Variants in TBCCD1 observed in about 807,000 individuals in gnomAD.
The protein encoded by TBCCD1 is TBCC domain-containing protein 1.
Under a neutral mutation model 53.4 loss-of-function variants are expected in TBCCD1, and 26 were observed. The observed-to-expected ratio is 0.49, with a 90% CI of 0.36 to 0.68. The LOEUF is 0.68. Ranked by LOEUF, TBCCD1 falls within the 30% of genes least tolerant of loss-of-function variation. TBCCD1 has a pLI of 0.00. For missense variants in TBCCD1, 558 were observed against 669.5 expected, an observed-to-expected ratio of 0.83 and a Z score of 1.84; for synonymous variants, 245 against 241.7, an observed-to-expected ratio of 1.01 and a Z score of -0.13.
chr3:186,556,774 T>C lies in TBCCD1; in HGVS notation c.494A>G (p.Asn165Ser). 6.2e-7 allele frequency: 1 copy of C among 1,605,968 alleles called. No homozygotes were observed. Among genetic ancestry groups the C allele is most frequent in the South Asian group, 1.1e-5 (1 of 88,540 alleles). The change falls in exon 4 of 8, where the codon AAC becomes AGC. Residue 165 changes from asparagine (N) to serine (S), a missense_variant and splice_region_variant. Coordinates refer to ENST00000338733, the MANE Select transcript of TBCCD1 (RefSeq NM_018138.5). ...AGCTTGGTGACTGTAATCATTCCAG[T>C]TCTAAAAAAAAGTTAAAAGAAAGCA... ...LTEKSNCHNK[N>S]WNDYSHQAFV...
rs769300662 is a variant in TBCCD1 at position 186,554,919 on chromosome 3, A to G, written c.1025T>C (p.Ile342Thr). Residue 342 changes from isoleucine (I) to threonine (T), a missense_variant, in exon 5 of 8, where the codon ATA becomes ACA. Ile to Thr is a moderately conservative substitution (Grantham distance 89). Transcript: ENST00000338733. ...VKIHRCNESF[I>T]YLLSPLRSVT... The stretch of plus-strand genomic sequence containing the variant: ...TTACCGTAAGGGAGAGAGCAGATAT[A>G]TAAAAGATTCGTTGCAACGATGAAT... 2.5e-6 allele frequency: 4 copies of G among 1,613,832 alleles called. No individual in the cohort carries two copies. Among genetic ancestry groups the G allele is most frequent in the Non-Finnish European group, 3.4e-6 (4 of 1,180,024 alleles).
rs1438696263 is a variant in TBCCD1, at chr3:186,554,455, A to T, written c.1343T>A (p.Val448Glu). The change falls in exon 6 of 8, where the codon GTG becomes GAG. Residue 448 changes from valine to glutamate, a missense_variant. Transcript: ENST00000338733. ...TCTTGTGTCGCTGTTCTCTCTGCAC[A>T]CAACCATTGGATTATCCCAATAGTT... ...VPNYWDNPMV[V>E]CRENSDTRVF... 2 of 1,614,234 alleles carry T rather than the reference A, an allele frequency of 1.2e-6. No individual in the cohort carries two copies. The highest frequency in any genetic ancestry group is 3.3e-4 in the Middle Eastern group (2 of 6,062).
chr3:186,550,264 T>C (rs1034915074), intron 7 of TBCCD1, among the ~76,000 whole-genome samples: 2 of 148,078 alleles, frequency 1.4e-5, no homozygotes, highest in Non-Finnish European at 3.0e-5. Flanking sequence ...ACTAACACAG[T>C]ATACTAATCT....
intron 7 of TBCCD1, among the ~76,000 whole-genome samples, chr3:186,547,256 ATTTTTTT>A (rs201432633): frequency 6.9e-6 from 1 of 143,982 alleles, no homozygotes; most frequent in Admixed American, 7.0e-5. Flanking sequence ...CAGATTTGTA[ATTTTTTT>A]TTTTTTTTTT....
rs1358004500 is a variant in TBCCD1, at chr3:186,546,191, T to C, written c.*786A>G. On this transcript the variant is annotated 3_prime_UTR_variant, in exon 8 of 8. Transcript: ENST00000338733. Reference sequence around the variant, plus strand: ...TAGTATAAAACTATTTCTATGTCTATATACCAACAAATCATACTTCCTTTC... The same window carrying C: ...TAGTATAAAACTATTTCTATGTCTACATACCAACAAATCATACTTCCTTTC... The C allele has an allele frequency of 1.3e-5, 2 of 152,216 alleles. No homozygotes were observed. The highest frequency in any genetic ancestry group is 1.9e-4 in the East Asian group (1 of 5,204). The allele number at this position is 152,216 out of a possible 1,614,324, so 9.4% of individuals were successfully genotyped here.
chr3:186,554,183 T>C (rs573387113), intron 6 of TBCCD1, 71 bp downstream of exon 6: 2 of 1,583,144 alleles, frequency 1.3e-6, no homozygotes, highest in African/African-American at 1.4e-5. Context: ...GCTGTAAAAA[T>C]GTGCAGACTA....
intron 3 of TBCCD1, among the ~76,000 whole-genome samples, chr3:186,557,566 A>G (rs1319751823): frequency 6.6e-6 from 1 of 152,242 alleles, no homozygotes; most frequent in Non-Finnish European, 1.5e-5. Context: ...GTTGGGAGTC[A>G]CTGAGATATA....
Position 186,551,224 on chromosome 3 carries a change from T to C in TBCCD1, c.1600A>G (p.Ile534Val), listed in dbSNP as rs368934718. Residue 534 changes from isoleucine to valine, a missense_variant, in exon 7 of 8, where the codon ATT becomes GTT. By Grantham distance (29) the Ile-to-Val change is conservative. Transcript: ENST00000338733. ...AGCTGTTGGCGATGTCCTGTATTAA[T>C]CAACCATTCATAAAACTTGTTCTCT... is the stretch of plus-strand genomic sequence containing the variant. ...LVENKFYEWL[I>V]NTGHRQQLDS... is the part of the protein sequence containing the mutation. The C allele has an allele frequency of 3.1e-6, 5 of 1,613,502 alleles. No individual in the cohort carries two copies. The South Asian group carries it at 3.3e-5, about 11-fold the overall frequency.
intron 7 of TBCCD1, among the ~76,000 whole-genome samples, chr3:186,550,239 A>C (rs1362552654): frequency 1.4e-5 from 2 of 145,384 alleles, no homozygotes; most frequent in Non-Finnish European, 2.9e-5. Flanking sequence ...AAAAAAAAAA[A>C]AAAAAAAACT....
Position 186,554,641 on chromosome 3 carries a change from C to T in TBCCD1, c.1157G>A (p.Arg386His), listed in dbSNP as rs1265176630. ...DNVKVIAVCHRLSISSTTGCI... is the reference protein window; with the variant it reads ...DNVKVIAVCHHLSISSTTGCI... ...ACCTGTTGTAGAAGAGATGGACAAA[C>T]GATGGCAAACAGCAATGACTTTAAC... Residue 386 changes from arginine to histidine, a missense_variant, in exon 6 of 8, where the codon CGT (arginine) becomes CAT (histidine). Physicochemically the swap from Arg to His is conservative, Grantham distance 29 (BLOSUM62 0). Transcript: ENST00000338733. 8.1e-6 allele frequency: 13 copies of T among 1,613,938 alleles called. No homozygotes were observed. The highest frequency in any genetic ancestry group is 1.7e-5 in the Admixed American group (1 of 59,988).
chr3:186,553,201 T>G (rs1714428419), intron 6 of TBCCD1: 3 of 152,188 alleles, frequency 2.0e-5, no homozygotes, highest in Admixed American at 1.3e-4. Context: ...AGTGCTTACA[T>G]CCCACAGTCT....
intron 1 of TBCCD1, among the ~76,000 whole-genome samples, chr3:186,565,965 T>C (rs1293843334): frequency 2.0e-5 from 3 of 152,136 alleles, no homozygotes; most frequent in Admixed American, 1.3e-4. Flanking sequence ...ATTTAAAAAA[T>C]CAATTATATG....
intron 6 of TBCCD1, among the ~76,000 whole-genome samples, chr3:186,552,961 T>C (rs890311165): frequency 6.6e-6 from 1 of 152,138 alleles, no homozygotes; most frequent in Non-Finnish European, 1.5e-5. Context: ...GCCTGGTAAG[T>C]ATGGTAAAGG....
chr3:186,569,188 T>C (rs1343085232), upstream of TBCCD1, among the ~76,000 whole-genome samples: 1 of 152,132 alleles, frequency 6.6e-6, no homozygotes, highest in African/African-American at 2.4e-5. Flanking sequence ...AGGAGTATAA[T>C]AGGTTTACAA....
At chr3:186,566,911 A>T (rs1426261194) in intron 1 of TBCCD1, among the ~76,000 whole-genome samples, 3 of 152,244 alleles carry the variant, frequency 2.0e-5, no homozygotes, top group Non-Finnish European at 2.9e-5. Flanking sequence ...GCCAGATCCC[A>T]GAGATGAGCC....
chr3:186,570,140 A>G (rs1305788599), upstream of TBCCD1: 1 of 702,126 alleles, frequency 1.4e-6, no homozygotes, highest in Admixed American at 2.0e-5. Flanking sequence ...ATCCGAACTT[A>G]AGTCGGTCTG....
chr3:186,551,864 C>A (rs1714390591), intron 6 of TBCCD1, among the ~76,000 whole-genome samples: 1 of 152,110 alleles, frequency 6.6e-6, no homozygotes, highest in South Asian at 2.1e-4. Context: ...TAAGTCCCAG[C>A]TACTCGGGAG....
chr3:186,550,195 T>A lies in TBCCD1; in HGVS notation c.*21+934A>T, dbSNP rs186907218. Among the ~76,000 whole-genome samples the A allele has an allele frequency of 3.1e-3, 427 of 137,034 alleles. 4 individuals are homozygous for A. The Admixed American group carries it at 0.032, about 10-fold the overall frequency. 89.9% of individuals were successfully genotyped at this position (137,034 alleles called of 152,430 possible). A position where few individuals can be genotyped will look rare whatever the true frequency, so the allele number is the denominator to read the frequency against. On this transcript the variant is annotated intron_variant, in intron 7 of 7. Transcript: ENST00000338733. ...TGAACTGAGATTGTGCCACTGCAACTCCAGCCTAGGTGACAGAGGGAGACT... is the reference window on the plus strand; with the variant it reads ...TGAACTGAGATTGTGCCACTGCAACACCAGCCTAGGTGACAGAGGGAGACT...
chr3:186,552,475 C>T (rs1294136409), intron 6 of TBCCD1, among the ~76,000 whole-genome samples: 1 of 152,148 alleles, frequency 6.6e-6, no homozygotes, highest in Non-Finnish European at 1.5e-5. Context: ...TTCAGAAACC[C>T]CCACACCAAC....
Sources: allele counts gnomAD v4.1 joint callset (sites outside exome capture counted in the v4.1 genomes callset), GRCh38; gene constraint gnomAD v4.1.1; transcripts MANE v1.5; gene names NCBI Gene and HGNC (gene_info 2026-07-23, HGNC 2026-07-21).